Variants in SNX4 observed in about 807,000 individuals in gnomAD.
SNX4 encodes the protein sorting nexin-4.
SNX4 carries 49 observed loss-of-function variants against 70.8 expected under a neutral mutation model. The observed-to-expected ratio is 0.69, with a 90% confidence interval of 0.55 to 0.88. The LOEUF is 0.88. SNX4 is among the 40% of genes least tolerant of loss of function. The pLI is 0.00. For missense variants in SNX4, 528 were observed against 544.8 expected, an observed-to-expected ratio of 0.97 and a Z score of 0.31; for synonymous variants, 206 against 183.8, an observed-to-expected ratio of 1.12 and a Z score of -0.98.
In SNX4 at chr3:125,495,250, TTATATATATATA is replaced by T. The variant is rs759787193; in HGVS notation, c.597+2079_597+2090del. ...GAAATGTGATACACTCATTCTCTCTTTATATATATATATATATATATATATATACACATACAC... is the reference window on the plus strand; with the variant it reads ...GAAATGTGATACACTCATTCTCTCTTTATATATATATATATACACATACAC... On this transcript the variant is annotated intron_variant, in intron 5 of 13. Transcript: ENST00000251775. Among the ~76,000 whole-genome samples, 48 of 38,158 alleles carry T rather than the reference TTATATATATATA, an allele frequency of 1.3e-3. 3 individuals carry two copies. The highest frequency in any genetic ancestry group is 2.6e-3 in the African/African-American group (39 of 15,164). 25.0% of individuals were successfully genotyped at this position (38,158 alleles called of 152,430 possible).
chr3:125,454,466 C>T (rs988332661), intron 11 of SNX4, among the ~76,000 whole-genome samples: 4 of 152,208 alleles, frequency 2.6e-5, no homozygotes, highest in African/African-American at 9.6e-5. Flanking sequence ...CTCAGCACCC[C>T]CTGCCCTGGT....
intron 11 of SNX4, among the ~76,000 whole-genome samples, chr3:125,456,811 G>A (rs1933729302): frequency 6.6e-6 from 1 of 152,000 alleles, no homozygotes; most frequent in African/African-American, 2.4e-5. Context: ...CAGGCGTGAG[G>A]CACCACACCT....
intron 6 of SNX4, among the ~76,000 whole-genome samples, chr3:125,487,320 C>T (rs1214745340): frequency 1.3e-5 from 2 of 152,054 alleles, no homozygotes; most frequent in East Asian, 3.9e-4. Context: ...GGCAAAAAAA[C>T]TGCCTTGGTG....
intron 10 of SNX4, among the ~76,000 whole-genome samples, chr3:125,458,208 T>C (rs1208830992): frequency 6.7e-6 from 1 of 149,530 alleles, no homozygotes; most frequent in Non-Finnish European, 1.5e-5. Context: ...GGTCTCACTC[T>C]GTCACCCAGG....
Position 125,451,360 on chromosome 3 carries a change from T to C in SNX4, c.1250A>G (p.Asp417Gly), listed in dbSNP as rs780318322. 30 of 1,613,998 alleles carry C rather than the reference T, an allele frequency of 1.9e-5. No individual in the cohort carries two copies. Among genetic ancestry groups the C allele is most frequent in the Non-Finnish European group, 2.5e-5 (30 of 1,179,926 alleles). ...ATAGCTTATGAGGGCCTCCTTTAAG[T>C]CTCGGTTCTTTTGTTCTTTGAAGCG... The part of the protein sequence containing the change: ...IERFKEQKNR[D>G]LKEALISYAV... Residue 417 changes from aspartate (D) to glycine (G), a missense_variant, in exon 13 of 14, where the codon GAC (aspartate) becomes GGC (glycine). This residue lies in a region of SNX4 where 159 missense variants were observed against 172.6 expected (regional missense o/e 0.92). Transcript: ENST00000251775.
At chr3:125,452,325 A>G (rs964956085) in intron 12 of SNX4, among the ~76,000 whole-genome samples, 1 of 152,050 alleles carries the variant, frequency 6.6e-6, no homozygotes, top group Non-Finnish European at 1.5e-5. Context: ...TGAACTTCCG[A>G]CCTCAGGCAA....
chr3:125,471,546 T>C (rs941772554), intron 8 of SNX4, among the ~76,000 whole-genome samples: 2 of 152,172 alleles, frequency 1.3e-5, no homozygotes, highest in South Asian at 4.1e-4. Context: ...AAAGGAACTG[T>C]AACACTGAAT....
At chr3:125,473,691 A>C (rs185686976) in intron 8 of SNX4, among the ~76,000 whole-genome samples, 38 of 152,360 alleles carry the variant, frequency 2.5e-4, no homozygotes, top group Admixed American at 7.2e-4. Context: ...CTGGGATTAC[A>C]GGCATGAGCC....
chr3:125,508,263 G>C (rs1935092744), intron 1 of SNX4, among the ~76,000 whole-genome samples: 1 of 152,128 alleles, frequency 6.6e-6, no homozygotes, highest in African/African-American at 2.4e-5. Context: ...AATAGCCAAA[G>C]CAATCTTGAA....
intron 9 of SNX4, among the ~76,000 whole-genome samples, chr3:125,467,427 TG>T (rs139673169): frequency 0.069 from 10,333 of 150,306 alleles, 476 homozygotes; most frequent in Non-Finnish European, 0.1. Context: ...AATAAAGGAG[TG>T]GGGGGAAGGA....
chr3:125,482,537 CTCCT>C (rs1553726699), intron 6 of SNX4, among the ~76,000 whole-genome samples: 2 of 152,030 alleles, frequency 1.3e-5, no homozygotes. Flanking sequence ...CCTGACTGGC[CTCCT>C]AGCCCACTCC....
At chr3:125,484,333 C>T (rs1417966732) in intron 6 of SNX4, among the ~76,000 whole-genome samples, 4 of 152,190 alleles carry the variant, frequency 2.6e-5, no homozygotes, top group African/African-American at 9.7e-5. Flanking sequence ...TGGCTCACTG[C>T]AACCTCTGCC....
chr3:125,451,203 G>T, intron 13 of SNX4, 102 bp downstream of exon 13: 6 of 549,904 alleles, frequency 1.1e-5, no homozygotes, highest in Non-Finnish European at 2.0e-5. Flanking sequence ...CATTCTACAA[G>T]AGAAGAATAA....
intron 1 of SNX4, among the ~76,000 whole-genome samples, chr3:125,513,529 T>C (rs1442633629): frequency 6.6e-6 from 1 of 152,218 alleles, no homozygotes. Flanking sequence ...TATTTTTAGA[T>C]TTAAATTTTT....
chr3:125,474,420 T>C (rs1254145012), intron 8 of SNX4, among the ~76,000 whole-genome samples: 1 of 152,118 alleles, frequency 6.6e-6, no homozygotes, highest in East Asian at 1.9e-4. Flanking sequence ...TGGGCTCAAG[T>C]GTTCCTCCCA....
At chr3:125,481,154 A>C (rs776669049) in intron 6 of SNX4, among the ~76,000 whole-genome samples, 3 of 152,202 alleles carry the variant, frequency 2.0e-5, no homozygotes, top group Non-Finnish European at 4.4e-5. Flanking sequence ...GCCTATGAGA[A>C]TCTAGCTTCT....
chr3:125,509,425 A>T (rs1198600937), intron 1 of SNX4, among the ~76,000 whole-genome samples: 2 of 151,928 alleles, frequency 1.3e-5, no homozygotes, highest in Non-Finnish European at 2.9e-5. Context: ...GATCCAGACT[A>T]TTTAGAGAAC....
chr3:125,502,849 A>G (rs1307964265), intron 2 of SNX4, among the ~76,000 whole-genome samples: 2 of 102,318 alleles, frequency 2.0e-5, no homozygotes, highest in African/African-American at 1.2e-4. Context: ...GTGAGACTCC[A>G]TCTCAAAAAA....
At chr3:125,461,089 G>C (rs986040273) in intron 9 of SNX4, among the ~76,000 whole-genome samples, 2 of 152,146 alleles carry the variant, frequency 1.3e-5, no homozygotes, top group East Asian at 1.9e-4. Context: ...AGCCGGAAGT[G>C]GGGGCGGGTG....
Sources: gnomAD v4.1 joint callset for allele counts (sites outside exome capture counted in the v4.1 genomes callset) on GRCh38, gnomAD v4.1.1 for gene constraint, gnomAD v4.1.1 regional missense constraint, MANE v1.5 for transcripts, NCBI Gene and HGNC (gene_info 2026-07-23, HGNC 2026-07-21) for gene names.